The following KIF5C variants were observed in gnomAD, a reference collection of about 807,000 sequenced individuals.
KIF5C encodes the protein kinesin heavy chain isoform 5C.
Under a neutral mutation model 125.2 loss-of-function variants are expected in KIF5C, and 18 were observed. The ratio of observed to expected loss-of-function variants is 0.14; its 90% CI spans 0.10 to 0.21. The LOEUF is 0.21. Ranked by LOEUF, KIF5C falls within the 10% of genes least tolerant of loss-of-function variation. KIF5C has a pLI of 1.00. For synonymous variants in KIF5C, 405 were observed against 434.0 expected (o/e 0.93, Z 0.83); for missense variants, 780 against 1,183.8 (o/e 0.66, Z 5.01).
chr2:148,946,779 A>G (rs1682529412), intron 7 of KIF5C, 120 bp from the exon 8 acceptor site: 2 of 1,411,756 alleles, frequency 1.4e-6, no homozygotes, highest in Non-Finnish European at 1.9e-6. Context: ...TTTAGAATTG[A>G]CTGGACTTAC....
chr2:148,883,113 A>T (rs1177232099), intron 1 of KIF5C, among the ~76,000 whole-genome samples: 1 of 152,184 alleles, frequency 6.6e-6, no homozygotes, highest in Non-Finnish European at 1.5e-5. Context: ...ATTCTCTTAA[A>T]ATAAATAGCT....
chr2:148,931,523 C>T (rs1197280695), intron 3 of KIF5C, among the ~76,000 whole-genome samples: 7 of 152,196 alleles, frequency 4.6e-5, no homozygotes, highest in African/African-American at 1.2e-4. Flanking sequence ...ATTAGCCAGG[C>T]GTGGTGGCGC....
At chr2:149,002,558 C>T (rs544536397) in intron 21 of KIF5C, among the ~76,000 whole-genome samples, 6 of 152,282 alleles carry the variant, frequency 3.9e-5, no homozygotes, top group Non-Finnish European at 7.4e-5. Flanking sequence ...CACTAATGAT[C>T]GTCCACACTT....
chr2:149,000,077 C>T, intron 19 of KIF5C: 1 of 196,550 alleles, frequency 5.1e-6, no homozygotes, highest in Non-Finnish European at 1.0e-5. Flanking sequence ...GACTGCATGC[C>T]ATCCGAGGGG....
chr2:149,009,954 CGTGTTCA>C (rs1043347936), intron 23 of KIF5C, among the ~76,000 whole-genome samples, 174 bp from the exon 24 acceptor site: 1 of 152,184 alleles, frequency 6.6e-6, no homozygotes, highest in Non-Finnish European at 1.5e-5. Flanking sequence ...CTGTGAATCA[CGTGTTCA>C]GGAACCTGGA....
At chr2:148,902,214 C>T (rs539467566) in intron 1 of KIF5C, among the ~76,000 whole-genome samples, 29 of 152,322 alleles carry the variant, frequency 1.9e-4, no homozygotes, top group East Asian at 1.9e-4. Flanking sequence ...AAGTGCCCCT[C>T]GTGTTCCTGG....
Position 148,875,785 on chromosome 2 carries a change from G to A in KIF5C, c.126+42G>A, listed in dbSNP as rs368892043. 2.0e-4 allele frequency: 315 copies of A among 1,571,702 alleles called. 1 individual carries two copies. The highest frequency in any genetic ancestry group is 2.6e-4 in the Non-Finnish European group (301 of 1,158,172). On this transcript the variant is annotated intron_variant, in intron 1 of 25. Coordinates refer to ENST00000435030, the MANE Select transcript of KIF5C (RefSeq NM_004522.3). ...TCTGCCTTCCCTGCTGCTCCGCGCC[G>A]CAGCTGGGCGCCCCGACGCCCCAGA... is the stretch of plus-strand genomic sequence containing the variant.
In KIF5C at chr2:148,899,519, T is replaced by A. The variant is rs964651564; in HGVS notation, c.127-22618T>A. 9.2e-5 allele frequency among the ~76,000 whole-genome samples: 14 copies of A among 151,648 alleles called. 1 individual carries two copies. Among genetic ancestry groups the A allele is most frequent in the Admixed American group, 2.6e-4 (4 of 15,240 alleles). Reference sequence around the variant, plus strand: ...GATTTCGAGACCAGCCTGGCCAACATGGCAAAACCCCATCTCTACTAAAAA... The same window carrying A: ...GATTTCGAGACCAGCCTGGCCAACAAGGCAAAACCCCATCTCTACTAAAAA... On this transcript the variant is annotated intron_variant, in intron 1 of 25. Transcript: ENST00000435030.
At chr2:149,012,820 C>T (rs564101954) in intron 25 of KIF5C, among the ~76,000 whole-genome samples, 1 of 152,356 alleles carries the variant, frequency 6.6e-6, no homozygotes, top group African/African-American at 2.4e-5. Flanking sequence ...GGCGGTGGGC[C>T]ACCCCATTCC....
intron 2 of KIF5C, among the ~76,000 whole-genome samples, chr2:148,926,793 T>C (rs1682017829): frequency 6.6e-6 from 1 of 152,138 alleles, no homozygotes; most frequent in African/African-American, 2.4e-5. Context: ...AATTACCTTC[T>C]AGTGCAGCAG....
intron 15 of KIF5C, among the ~76,000 whole-genome samples, chr2:148,984,841 A>G (rs1280074274): frequency 6.6e-6 from 1 of 152,120 alleles, no homozygotes; most frequent in Non-Finnish European, 1.5e-5. Context: ...CCCAGGCTGG[A>G]GTGCAGTGGC....
At chr2:148,977,289 A>G (rs891862803) in intron 12 of KIF5C, among the ~76,000 whole-genome samples, 5 of 152,202 alleles carry the variant, frequency 3.3e-5, no homozygotes, top group Admixed American at 2.6e-4. Context: ...GGAAGCCTGC[A>G]TCTTCAGGCT....
intron 1 of KIF5C, among the ~76,000 whole-genome samples, chr2:148,917,395 A>C (rs1376229807): frequency 6.6e-6 from 1 of 152,254 alleles, no homozygotes; most frequent in Non-Finnish European, 1.5e-5. Context: ...TCCGTAAAGG[A>C]AGAACCCTTG....
Position 148,875,594 on chromosome 2 carries a change from G to GGC in KIF5C, c.-24_-23insGC. 4 of 550,742 alleles carry GGC rather than the reference G, an allele frequency of 7.3e-6. No homozygotes were observed. The highest frequency in any genetic ancestry group is 1.6e-5 in the South Asian group (1 of 61,784). 34.1% of individuals were successfully genotyped at this position (550,742 alleles called of 1,614,324 possible). On this transcript the variant is annotated 5_prime_UTR_variant, in exon 1 of 26. Transcript: ENST00000435030. ...GCCCCGGCCCCCCACCCATCCCCGT[G>GGC]CCCCCTCCCTACCGCCGGCCGAGAT...
chr2:148,902,390 C>T (rs1355761126), intron 1 of KIF5C, among the ~76,000 whole-genome samples: 2 of 152,088 alleles, frequency 1.3e-5, no homozygotes, highest in Non-Finnish European at 2.9e-5. Flanking sequence ...GATCTTGACT[C>T]ACTGCAATCT....
At chr2:149,000,274 G>C (rs891347544) in intron 19 of KIF5C, 149 bp from the exon 20 acceptor site, 8 of 909,794 alleles carry the variant, frequency 8.8e-6, no homozygotes, top group Non-Finnish European at 1.2e-5. Flanking sequence ...AGGAAGCTGT[G>C]AGGCTGTTCT....
At chr2:148,997,590 T>A (rs1474589894) in intron 18 of KIF5C, 1 of 558,364 alleles carries the variant, frequency 1.8e-6, no homozygotes, top group Non-Finnish European at 3.0e-6. Context: ...CCATTCCTGA[T>A]GAAGAGGGAA....
chr2:148,941,482 C>G (rs918114709), intron 4 of KIF5C, 128 bp from the exon 5 acceptor site: 5 of 1,299,616 alleles, frequency 3.8e-6, no homozygotes, highest in Middle Eastern at 2.6e-4. Context: ...GATTTTAAGT[C>G]TTCACTTTGA....
At chr2:148,986,582 T>G (rs1681388017) in intron 15 of KIF5C, among the ~76,000 whole-genome samples, 1 of 152,228 alleles carries the variant, frequency 6.6e-6, no homozygotes, top group South Asian at 2.1e-4. Flanking sequence ...ACTTTTCTTA[T>G]TGGTCATGAC....
Sources: gnomAD v4.1 joint callset for allele counts (sites outside exome capture counted in the v4.1 genomes callset) on GRCh38, gnomAD v4.1.1 for gene constraint, MANE v1.5 for transcripts, NCBI Gene and HGNC (gene_info 2026-07-23, HGNC 2026-07-21) for gene names.